The following TMEM272 variants were observed in gnomAD, a reference collection of about 807,000 sequenced individuals.
TMEM272 encodes long intergenic non-protein coding RNA 282.
In TMEM272, 8 loss-of-function variants were observed where a neutral mutation model predicts 3.7. That is an observed-to-expected ratio of 2.17 (90% CI 1.27 to 3.91). TMEM272 has a LOEUF of 3.91. Ranked by LOEUF, TMEM272 falls within the 30% of genes most tolerant of loss-of-function variation. The pLI is 0.00. For missense variants in TMEM272, 166 were observed against 91.5 expected (o/e 1.81, Z -3.32); for synonymous variants, 63 against 39.8 (o/e 1.58, Z -2.20).
At chr13:51,861,567 A>G in the TMEM272 span, among the ~76,000 whole-genome samples, 1 of 152,220 alleles carries the variant, frequency 6.6e-6, no homozygotes. Flanking sequence ...ACAGAAAGAA[A>G]AAAGAATGAA....
the TMEM272 span, among the ~76,000 whole-genome samples, chr13:51,912,838 C>T: frequency 6.6e-6 from 1 of 152,196 alleles, no homozygotes; most frequent in Non-Finnish European, 1.5e-5. Context: ...TGAATGAATA[C>T]ATACACGAAT....
At position 51,836,805 on chromosome 13, in the gene TMEM272, CA is replaced by C. The variant is rs146441709; in HGVS notation, c.58+1667del. Among the ~76,000 whole-genome samples the C allele has an allele frequency of 7.6e-3, 1,164 of 152,176 alleles. 22 individuals carry two copies. The highest frequency in any genetic ancestry group is 0.027 in the African/African-American group (1,106 of 41,494). On this transcript the variant is annotated intron_variant, in intron 2 of 4. Coordinates refer to ENST00000629372, the MANE Select transcript of TMEM272 (RefSeq NM_001351003.2). Reference sequence around the variant, plus strand: ...GCAAAGAAACACATGTTGGAAGGCCCAGGGGGAAAACAGAAGCTGGTGTTCC... The same window carrying C: ...GCAAAGAAACACATGTTGGAAGGCCCGGGGGAAAACAGAAGCTGGTGTTCC...
chr13:51,913,061 C>A, the TMEM272 span, among the ~76,000 whole-genome samples: 2 of 152,162 alleles, frequency 1.3e-5, no homozygotes, highest in Admixed American at 6.5e-5. Flanking sequence ...ATTCACACAC[C>A]AAATTAATAG....
the TMEM272 span, among the ~76,000 whole-genome samples, chr13:51,883,523 G>T: frequency 6.6e-6 from 1 of 152,302 alleles, no homozygotes; most frequent in African/African-American, 2.4e-5. Context: ...GGGTTTTTAT[G>T]GGCTTAGAAG....
At chr13:51,867,229 G>T in the TMEM272 span, among the ~76,000 whole-genome samples, 2 of 152,166 alleles carry the variant, frequency 1.3e-5, no homozygotes, top group Admixed American at 1.3e-4. Flanking sequence ...ACAGCTCTGT[G>T]GGCTGGCAGG....
At chr13:51,888,639 C>T in the TMEM272 span, among the ~76,000 whole-genome samples, 4 of 76,800 alleles carry the variant, frequency 5.2e-5, no homozygotes, top group African/African-American at 4.9e-5. Context: ...TTTTCTTTTT[C>T]TTTTTTTTTT....
chr13:51,910,201 G>C, the TMEM272 span: 1 of 1,174,812 alleles, frequency 8.5e-7, no homozygotes, highest in Non-Finnish European at 1.3e-6. Context: ...TCATGCTCCA[G>C]TTCAGAATTG....
chr13:51,900,764 GGATT>G, the TMEM272 span, among the ~76,000 whole-genome samples: 1 of 152,128 alleles, frequency 6.6e-6, no homozygotes, highest in African/African-American at 2.4e-5. Flanking sequence ...TCCATAAAAT[GGATT>G]ATTATCCAGC....
chr13:51,844,929 T>G (rs1482863448), intron 1 of TMEM272, 87 bp downstream of exon 1: 2 of 152,224 alleles, frequency 1.3e-5, no homozygotes, highest in African/African-American at 4.8e-5. Context: ...ATCAGCACAT[T>G]GGCATCTTCC....
At chr13:51,921,998 T>C in the TMEM272 span, among the ~76,000 whole-genome samples, 1 of 152,128 alleles carries the variant, frequency 6.6e-6, no homozygotes, top group Non-Finnish European at 1.5e-5. Context: ...TACGTGTGGG[T>C]TGTGCTTTTT....
chr13:51,933,295 C>T, the TMEM272 span: 1 of 152,222 alleles, frequency 6.6e-6, no homozygotes, highest in Admixed American at 6.5e-5. Flanking sequence ...AAGTCCTCAG[C>T]CTCTTGGAGC....
chr13:51,870,550 A>G, the TMEM272 span, among the ~76,000 whole-genome samples: 6 of 152,214 alleles, frequency 3.9e-5, no homozygotes, highest in Non-Finnish European at 8.8e-5. Context: ...TAAAACACAG[A>G]GAAGGGGTTG....
the TMEM272 span, among the ~76,000 whole-genome samples, chr13:51,903,142 G>GA: frequency 6.6e-6 from 1 of 152,212 alleles, no homozygotes; most frequent in African/African-American, 2.4e-5. Context: ...CATTTCTTTT[G>GA]AAGGTCTCAC....
the TMEM272 span, among the ~76,000 whole-genome samples, chr13:51,931,206 C>T: frequency 6.6e-6 from 1 of 150,640 alleles, no homozygotes; most frequent in African/African-American, 2.5e-5. Flanking sequence ...GGCTTGGAAC[C>T]AACGCAAATG....
intron 4 of TMEM272, 108 bp from the exon 5 acceptor site, chr13:51,817,221 GGA>G: frequency 8.3e-6 from 5 of 604,836 alleles, no homozygotes; most frequent in Non-Finnish European, 3.0e-6. Context: ...GAGAGAAAGA[GGA>G]GAGAGAGGAA....
the TMEM272 span, among the ~76,000 whole-genome samples, chr13:51,891,902 A>T: frequency 1.3e-5 from 2 of 152,206 alleles, no homozygotes; most frequent in African/African-American, 4.8e-5. Flanking sequence ...TGGAATTGAA[A>T]GTCAAATAAA....
the TMEM272 span, among the ~76,000 whole-genome samples, chr13:51,896,367 G>A: frequency 6.6e-6 from 1 of 152,204 alleles, no homozygotes; most frequent in Non-Finnish European, 1.5e-5. Context: ...TAACACAAAT[G>A]TATGTTTTTA....
the TMEM272 span, among the ~76,000 whole-genome samples, chr13:51,903,094 G>A: frequency 7.2e-5 from 11 of 152,296 alleles, no homozygotes; most frequent in Admixed American, 1.3e-4. Flanking sequence ...GTTTTGACAG[G>A]TCAGTTTGTA....
At chr13:51,889,535 T>C in the TMEM272 span, among the ~76,000 whole-genome samples, 1 of 152,320 alleles carries the variant, frequency 6.6e-6, no homozygotes, top group Non-Finnish European at 1.5e-5. Flanking sequence ...AAACCAGCCC[T>C]GCCGGCACCT....
Sources: allele counts gnomAD v4.1 joint callset (sites outside exome capture counted in the v4.1 genomes callset), GRCh38; gene constraint gnomAD v4.1.1; transcripts MANE v1.5; gene names NCBI Gene and HGNC (gene_info 2026-07-23, HGNC 2026-07-21).